The following WDR49 variants were observed in gnomAD, a reference collection of about 807,000 sequenced individuals.
WDR49 encodes cilia- and flagella-associated protein 337.
A neutral mutation model predicts 119.5 loss-of-function variants in WDR49; 107 were observed. The observed-to-expected ratio is 0.90, with a 90% CI of 0.77 to 1.05. The LOEUF (loss-of-function observed/expected upper bound fraction) is 1.05. Among genes scored for constraint, WDR49 ranks in the 50% least tolerant of loss-of-function variants. The pLI is 0.00. For synonymous variants in WDR49, 425 were observed against 418.8 expected (o/e 1.01, Z -0.18); for missense variants, 1,240 against 1,220.5 (o/e 1.02, Z -0.24).
rs146513099 is a variant in WDR49, at chr3:167,491,324, A to G, written c.3031+8829T>C. Among the ~76,000 whole-genome samples the G allele has an allele frequency of 9.9e-5, 15 of 152,236 alleles. 1 individual carries two copies. The East Asian group carries it at 2.9e-3, about 29-fold the overall frequency. ...TTTACCTCAGTCCAGTGCTCCTGGA[A>G]AGTGAAGACATTTAAGAAATCTCTC... On this transcript the variant is annotated intron_variant, in intron 18 of 18. Coordinates refer to ENST00000682715, the MANE Select transcript of WDR49 (RefSeq NM_001366157.1).
chr3:167,590,020 G>A (rs889900408), intron 7 of WDR49, among the ~76,000 whole-genome samples: 6 of 151,976 alleles, frequency 3.9e-5, no homozygotes, highest in Admixed American at 2.0e-4. Context: ...ATTTCAATAC[G>A]ATATTAGCTG....
Position 167,653,358 on chromosome 3 carries a change from C to G in WDR49, c.68G>C (p.Arg23Thr), listed in dbSNP as rs993655994. The G allele has an allele frequency of 3.5e-5, 54 of 1,535,966 alleles. No individual in the cohort carries two copies. Among genetic ancestry groups the G allele is most frequent in the Middle Eastern group, 3.3e-4 (2 of 6,012 alleles). ...GSQLGPKSPE[R>T]TEGVTAFEDY... ...TTCAAATGCAGTTACACCTTCTGTT[C>G]TCTCAGGACTCTTTGGCCCAAGCTG... Residue 23 changes from arginine to threonine, a missense_variant, in exon 2 of 19, where the codon AGA becomes ACA. Coordinates refer to ENST00000682715, the MANE Select transcript of WDR49 (RefSeq NM_001366157.1).
intron 9 of WDR49, among the ~76,000 whole-genome samples, 156 bp from the exon 10 acceptor site, chr3:167,554,954 T>C (rs1465965145): frequency 6.6e-6 from 1 of 152,194 alleles, no homozygotes; most frequent in Non-Finnish European, 1.5e-5. Flanking sequence ...GTGAAATATC[T>C]AGTTGGTCTT....
At chr3:167,573,928 G>A (rs1403891302) in intron 8 of WDR49, among the ~76,000 whole-genome samples, 2 of 152,162 alleles carry the variant, frequency 1.3e-5, no homozygotes, top group Admixed American at 6.5e-5. Context: ...AGGTGCTCAC[G>A]TTGTATCTTC....
chr3:167,657,336 T>C (rs1718628745), upstream of WDR49, among the ~76,000 whole-genome samples: 1 of 152,090 alleles, frequency 6.6e-6, no homozygotes, highest in Non-Finnish European at 1.5e-5. Context: ...AAAATAGAAA[T>C]GGTCCAAAAA....
intron 2 of WDR49, among the ~76,000 whole-genome samples, chr3:167,650,414 A>G (rs1205601217): frequency 1.3e-5 from 2 of 152,214 alleles, no homozygotes; most frequent in Admixed American, 1.3e-4. Context: ...AGGCTGATAT[A>G]TGGCTCTTTT....
In WDR49 at chr3:167,575,110, G is replaced by T. The variant is rs1048353637; in HGVS notation, c.1509+808C>A. 1.1e-5 allele frequency: 11 copies of T among 985,290 alleles called. No individual in the cohort carries two copies. In the African/African-American group the frequency reaches 1.7e-4, roughly 16 times the overall value. 61.0% of individuals were successfully genotyped at this position (985,290 alleles called of 1,614,324 possible). On this transcript the variant is annotated intron_variant, in intron 8 of 18. Transcript: ENST00000682715. The stretch of plus-strand genomic sequence containing the variant: ...AATGGATTGAGTTACTGTTTAATTG[G>T]CTGTAAGCTGGAGACTTGCTTCTGC...
At chr3:167,614,125 C>G (rs113741125) in intron 5 of WDR49, among the ~76,000 whole-genome samples, 1 of 152,090 alleles carries the variant, frequency 6.6e-6, no homozygotes, top group African/African-American at 2.4e-5. Flanking sequence ...GATGGAGTCT[C>G]GCTCTCTCGC....
rs73878729 is a variant in WDR49, at chr3:167,498,708, G to A, written c.3031+1445C>T. Among the ~76,000 whole-genome samples, 628 of 152,294 alleles carry A rather than the reference G, an allele frequency of 4.1e-3. 6 individuals carry two copies. The highest frequency in any genetic ancestry group is 0.017 in the Middle Eastern group (5 of 294). On this transcript the variant is annotated intron_variant, in intron 18 of 18. Transcript: ENST00000682715. ...GAAATAGGCAATAGCCTGTTTAGGT[G>A]TGGTAATGACTTTTAATTTCTCCTC...
chr3:167,546,913 G>A (rs934030233), intron 10 of WDR49, among the ~76,000 whole-genome samples: 2 of 151,698 alleles, frequency 1.3e-5, no homozygotes, highest in Non-Finnish European at 2.9e-5. Context: ...GGCTTAAAAA[G>A]GGTATCTCAA....
At chr3:167,518,013 T>C (rs1186502538) in intron 16 of WDR49, among the ~76,000 whole-genome samples, 1 of 152,142 alleles carries the variant, frequency 6.6e-6, no homozygotes, top group East Asian at 1.9e-4. Context: ...AATAGTTTGC[T>C]GAGAATGATG....
rs1332761802 is a variant in WDR49, at chr3:167,500,167, G to A, written c.3017C>T (p.Pro1006Leu). Residue 1006 changes from proline (P) to leucine (L), a missense_variant, in exon 18 of 19, where the codon CCG (proline) becomes CTG (leucine). By Grantham distance (98) the Pro-to-Leu change is moderately conservative (BLOSUM62 -3). Coordinates refer to ENST00000682715, the MANE Select transcript of WDR49 (RefSeq NM_001366157.1). ...TGAGAACTTACTTTTAAAAAGTGAC[G>A]GGGCCTCCAGAATTTGGGGACGCTC... The part of the protein sequence containing the change: ...EEERPQILEA[P>L]SLFKTLKAVF... 14 of 1,569,518 alleles carry A rather than the reference G, an allele frequency of 8.9e-6. No individual in the cohort carries two copies. Among genetic ancestry groups the A allele is most frequent in the South Asian group, 6.0e-5 (5 of 83,142 alleles).
chr3:167,605,520 T>C (rs1423950155), intron 5 of WDR49, among the ~76,000 whole-genome samples: 1 of 152,156 alleles, frequency 6.6e-6, no homozygotes, highest in Non-Finnish European at 1.5e-5. Flanking sequence ...ACTTCAATTA[T>C]ATGGCCCCAA....
intron 5 of WDR49, among the ~76,000 whole-genome samples, chr3:167,612,062 C>A (rs932944942): frequency 6.6e-6 from 1 of 152,146 alleles, no homozygotes; most frequent in Non-Finnish European, 1.5e-5. Flanking sequence ...GAATCATTCT[C>A]AAGGATATAC....
At chr3:167,569,564 G>A (rs1713808571) in intron 8 of WDR49, among the ~76,000 whole-genome samples, 2 of 151,522 alleles carry the variant, frequency 1.3e-5, no homozygotes, top group South Asian at 4.2e-4. Flanking sequence ...TGGGCACAGT[G>A]CCTATGCCTG....
chr3:167,499,603 G>T (rs1210073620), intron 18 of WDR49, among the ~76,000 whole-genome samples: 1 of 152,102 alleles, frequency 6.6e-6, no homozygotes, highest in Non-Finnish European at 1.5e-5. Flanking sequence ...ATAATAGTCT[G>T]AAAAATAAAG....
At chr3:167,500,427 A>AC in intron 17 of WDR49, 128 bp from the exon 18 acceptor site, 35 of 1,087,706 alleles carry the variant, frequency 3.2e-5, no homozygotes, top group Non-Finnish European at 4.4e-5. Flanking sequence ...CTCAGCTGGT[A>AC]CAGCTGCAGT....
chr3:167,617,039 G>T (rs1391156924), intron 5 of WDR49, among the ~76,000 whole-genome samples: 2 of 152,136 alleles, frequency 1.3e-5, no homozygotes, highest in African/African-American at 2.4e-5. Context: ...GGTTTGGTTC[G>T]CAGGGTGGGC....
At chr3:167,545,245 G>C (rs1712104259) in intron 10 of WDR49, among the ~76,000 whole-genome samples, 1 of 151,800 alleles carries the variant, frequency 6.6e-6, no homozygotes. Context: ...TAAACTGCTG[G>C]TGGTAATGTA....
Sources: gnomAD v4.1 joint callset for allele counts (sites outside exome capture counted in the v4.1 genomes callset) on GRCh38, gnomAD v4.1.1 for gene constraint, MANE v1.5 for transcripts, NCBI Gene and HGNC (gene_info 2026-07-23, HGNC 2026-07-21) for gene names.